SLIT3: variants seen among roughly 807,000 people sequenced by gnomAD.
SLIT3 encodes slit guidance ligand 3.
In SLIT3, 68 loss-of-function variants were observed where a neutral mutation model predicts 184.0. That is an observed-to-expected ratio of 0.37 (90% confidence interval 0.30 to 0.45). The LOEUF (loss-of-function observed/expected upper bound fraction) is 0.45, where lower values mean the gene tolerates loss of function less well. Ranked by LOEUF, SLIT3 falls within the 20% of genes least tolerant of loss-of-function variation. SLIT3 has a pLI of 1.00. For synonymous variants in SLIT3, 831 were observed against 828.6 expected (o/e 1.00, Z -0.05); for missense variants, 1,707 against 2,026.0 (o/e 0.84, Z 3.02).
intron 4 of SLIT3, among the ~76,000 whole-genome samples, chr5:169,089,083 T>C (rs1032451417): frequency 8.5e-5 from 11 of 129,202 alleles, no homozygotes; most frequent in South Asian, 2.7e-4. Context: ...TCTCCAGTGG[T>C]AGGGCCAGGG....
At chr5:169,152,054 G>A (rs1762132718) in intron 4 of SLIT3, among the ~76,000 whole-genome samples, 1 of 152,162 alleles carries the variant, frequency 6.6e-6, no homozygotes, top group Non-Finnish European at 1.5e-5. Context: ...ATCATTATTA[G>A]TTTTGTTATT....
chr5:168,699,575 A>T (rs1762158517), intron 27 of SLIT3, among the ~76,000 whole-genome samples: 1 of 152,210 alleles, frequency 6.6e-6, no homozygotes, highest in South Asian at 2.1e-4. Context: ...CATTCCTAGG[A>T]CAGGGAGGAG....
At chr5:168,723,031 T>A in intron 21 of SLIT3, 27 bp from the exon 22 acceptor site, 1 of 1,583,742 alleles carries the variant, frequency 6.3e-7, no homozygotes, top group East Asian at 2.2e-5. Context: ...AGAGGGGTCA[T>A]GCTTTTGTCT....
intron 4 of SLIT3, among the ~76,000 whole-genome samples, chr5:168,958,883 T>A (rs1268369468): frequency 6.6e-6 from 1 of 152,272 alleles, no homozygotes; most frequent in Non-Finnish European, 1.5e-5. Flanking sequence ...CCATGGCTTA[T>A]GAATGAACCT....
At chr5:169,226,871 C>G (rs930322872) in intron 3 of SLIT3, among the ~76,000 whole-genome samples, 1 of 152,154 alleles carries the variant, frequency 6.6e-6, no homozygotes, top group Non-Finnish European at 1.5e-5. Context: ...ATGTGGGACA[C>G]TGGAGGCGGG....
At chr5:169,266,307 T>C (rs1392906268) in intron 1 of SLIT3, among the ~76,000 whole-genome samples, 2 of 152,180 alleles carry the variant, frequency 1.3e-5, no homozygotes, top group Non-Finnish European at 2.9e-5. Context: ...GCAAGGATAG[T>C]GCTCTGTGTT....
chr5:168,998,269 C>A (rs1240411595), intron 4 of SLIT3, among the ~76,000 whole-genome samples: 1 of 152,226 alleles, frequency 6.6e-6, no homozygotes, highest in Non-Finnish European at 1.5e-5. Flanking sequence ...GAAAGGACAA[C>A]CAGCACCACC....
chr5:168,947,115 A>G (rs943891911), intron 4 of SLIT3, among the ~76,000 whole-genome samples: 2 of 152,038 alleles, frequency 1.3e-5, no homozygotes, highest in African/African-American at 4.8e-5. Flanking sequence ...AGAAACATAC[A>G]CTGCACAAAA....
Position 169,224,513 on chromosome 5 carries a change from G to A in SLIT3, c.341+20192C>T, listed in dbSNP as rs184625784. ...TTTCCAAGTAGCTGAGACTACAAGC[G>A]TGCACTACCACACGTGGCTAACCTT... On this transcript the variant is annotated intron_variant, in intron 3 of 35. Transcript: ENST00000519560. Among the ~76,000 whole-genome samples the A allele has an allele frequency of 2.8e-3, 432 of 151,814 alleles. 3 individuals are homozygous for A. Among genetic ancestry groups the A allele is most frequent in the Non-Finnish European group, 4.4e-3 (297 of 67,962 alleles).
chr5:169,006,407 G>A (rs1755928909), intron 4 of SLIT3, among the ~76,000 whole-genome samples: 1 of 152,028 alleles, frequency 6.6e-6, no homozygotes, highest in Non-Finnish European at 1.5e-5. Context: ...ACGACTCCCT[G>A]TGGAGCCATG....
intron 4 of SLIT3, among the ~76,000 whole-genome samples, chr5:169,090,844 C>A (rs1759556607): frequency 6.6e-6 from 1 of 152,192 alleles, no homozygotes; most frequent in Non-Finnish European, 1.5e-5. Context: ...GGAAAGACAG[C>A]CCTGTTCACA....
chr5:169,139,777 T>G (rs1295499146), intron 4 of SLIT3, among the ~76,000 whole-genome samples: 1 of 152,186 alleles, frequency 6.6e-6, no homozygotes, highest in Admixed American at 6.5e-5. Context: ...GGACTCCTTT[T>G]CCACTCTTGC....
intron 4 of SLIT3, among the ~76,000 whole-genome samples, chr5:168,923,265 G>T (rs1385744464): frequency 6.6e-6 from 1 of 152,126 alleles, no homozygotes; most frequent in Non-Finnish European, 1.5e-5. Context: ...ACGAGCCACA[G>T]TTCTGGGCGT....
intron 4 of SLIT3, among the ~76,000 whole-genome samples, chr5:169,000,441 A>G (rs546091179): frequency 2.0e-5 from 3 of 151,322 alleles, no homozygotes; most frequent in African/African-American, 7.3e-5. Context: ...TATTAACGTA[A>G]TCTTTTCTGA....
intron 10 of SLIT3, 41 bp downstream of exon 10, chr5:168,795,466 T>C (rs1284976539): frequency 2.0e-5 from 30 of 1,501,992 alleles, no homozygotes; most frequent in Non-Finnish European, 2.6e-5. Flanking sequence ...ACCCTGGAAA[T>C]TGAAAACATT....
chr5:168,986,440 T>TGG (rs1339941308), intron 4 of SLIT3, among the ~76,000 whole-genome samples: 58 of 152,150 alleles, frequency 3.8e-4, no homozygotes, highest in Non-Finnish European at 6.9e-4. Context: ...CATGATGCTT[T>TGG]TCAGCTCACA....
chr5:168,716,330 C>G (rs1428693623), intron 23 of SLIT3, among the ~76,000 whole-genome samples: 4 of 152,036 alleles, frequency 2.6e-5, no homozygotes, highest in Non-Finnish European at 5.9e-5. Context: ...CTTCAGTTAT[C>G]TGAGTTGATA....
At position 168,749,512 on chromosome 5, in the gene SLIT3, A is replaced by C. The variant is rs2304035; in HGVS notation, c.2097T>G (p.Ile699Met). ...CCTGGATGGCCACATCCTGGATGGG[A>C]ATCTCCTTGAGGAAAAATGGCTTCT... The part of the protein sequence containing the change: ...RCQKPFFLKE[I>M]PIQDVAIQDF... The change falls in exon 19 of 36, where the codon ATT becomes ATG. Residue 699 changes from isoleucine (I) to methionine (M), a missense_variant. Ile to Met is a conservative substitution (Grantham distance 10). This residue lies in a region of SLIT3 where 1,307 missense variants were observed against 1,511.6 expected (regional missense o/e 0.86). Transcript: ENST00000519560. The C allele has an allele frequency of 2.8e-5, 45 of 1,613,854 alleles. 1 individual carries two copies. Among genetic ancestry groups the C allele is most frequent in the Non-Finnish European group, 3.7e-5 (44 of 1,179,982 alleles).
chr5:168,883,484 C>T, intron 4 of SLIT3, 148 bp from the exon 5 acceptor site: 1 of 626,432 alleles, frequency 1.6e-6, no homozygotes, highest in Non-Finnish European at 2.9e-6. Flanking sequence ...CCCCAGGCTG[C>T]TACAAGCATT....
Sources: gnomAD v4.1 joint callset for allele counts (sites outside exome capture counted in the v4.1 genomes callset) on GRCh38, gnomAD v4.1.1 for gene constraint, gnomAD v4.1.1 regional missense constraint, MANE v1.5 for transcripts, NCBI Gene and HGNC (gene_info 2026-07-23, HGNC 2026-07-21) for gene names.